DCLK1: variants seen among roughly 807,000 people sequenced by gnomAD.
The protein encoded by DCLK1 is serine/threonine-protein kinase DCLK1.
In DCLK1, 16 loss-of-function variants were observed where a neutral mutation model predicts 86.2. The observed-to-expected ratio is 0.19, with a 90% CI of 0.13 to 0.28. The LOEUF (loss-of-function observed/expected upper bound fraction) is 0.28, where lower values mean the gene tolerates loss of function less well. DCLK1 is among the 10% of genes least tolerant of loss of function. The pLI, the probability that DCLK1 is intolerant of heterozygous loss-of-function variation, is 1.00. For synonymous variants in DCLK1, 369 were observed against 370.5 expected (o/e 1.00, Z 0.05); for missense variants, 590 against 940.2 (o/e 0.63, Z 4.87).
chr13:35,786,246 T>G (rs923874656), intron 16 of DCLK1, among the ~76,000 whole-genome samples: 2 of 152,236 alleles, frequency 1.3e-5, no homozygotes, highest in Admixed American at 1.3e-4. Flanking sequence ...AATTTAATTT[T>G]CCAGAGGTTT....
At chr13:35,975,545 C>T (rs1879289714) in intron 3 of DCLK1, among the ~76,000 whole-genome samples, 1 of 151,840 alleles carries the variant, frequency 6.6e-6, no homozygotes, top group South Asian at 2.1e-4. Flanking sequence ...TGGAGGCCAC[C>T]CCACCCCCAC....
chr13:35,844,610 T>C (rs1044415298), intron 6 of DCLK1, among the ~76,000 whole-genome samples: 1 of 152,208 alleles, frequency 6.6e-6, no homozygotes, highest in South Asian at 2.1e-4. Context: ...TTCCTCTGGA[T>C]AGAATAATTC....
chr13:36,059,658 T>C (rs1196695687), intron 3 of DCLK1, among the ~76,000 whole-genome samples: 1 of 152,208 alleles, frequency 6.6e-6, no homozygotes, highest in African/African-American at 2.4e-5. Flanking sequence ...GGGGTCTGAC[T>C]GGTTTTCCAG....
intron 16 of DCLK1, among the ~76,000 whole-genome samples, chr13:35,791,377 C>T (rs759923762): frequency 7.3e-5 from 11 of 151,600 alleles, no homozygotes; most frequent in Non-Finnish European, 1.0e-4. Flanking sequence ...AGTATATTAC[C>T]AGTTTGTGCA....
At chr13:35,987,422 C>T (rs1398451852) in intron 3 of DCLK1, among the ~76,000 whole-genome samples, 3 of 152,118 alleles carry the variant, frequency 2.0e-5, no homozygotes, top group African/African-American at 7.2e-5. Context: ...TAATTTTCTA[C>T]TGAGAGCAGT....
chr13:35,967,136 A>C (rs1489128923), intron 3 of DCLK1, among the ~76,000 whole-genome samples: 3 of 140,970 alleles, frequency 2.1e-5, no homozygotes, highest in African/African-American at 8.2e-5. Flanking sequence ...AGATGTGAAG[A>C]GCGCCTCTGC....
chr13:35,960,189 T>A (rs1051032896), intron 3 of DCLK1, among the ~76,000 whole-genome samples: 3 of 152,186 alleles, frequency 2.0e-5, no homozygotes, highest in Non-Finnish European at 4.4e-5. Context: ...TTCTCCCCCC[T>A]TAATCCATCC....
chr13:36,101,036 A>T (rs936846180), intron 3 of DCLK1, among the ~76,000 whole-genome samples: 7 of 152,034 alleles, frequency 4.6e-5, no homozygotes, highest in African/African-American at 1.7e-4. Context: ...ATGCGTAGGG[A>T]CTCCATCTGA....
chr13:36,007,627 T>C (rs1433684356), intron 3 of DCLK1, among the ~76,000 whole-genome samples: 2 of 152,226 alleles, frequency 1.3e-5, no homozygotes, highest in Non-Finnish European at 2.9e-5. Context: ...TGTAAGAATA[T>C]TGAATATATT....
At chr13:36,012,271 T>G (rs551152603) in intron 3 of DCLK1, among the ~76,000 whole-genome samples, 1 of 148,074 alleles carries the variant, frequency 6.8e-6, no homozygotes, top group South Asian at 2.3e-4. Context: ...CCTGTCATTA[T>G]GATGTTAGCT....
chr13:35,976,525 GTTTTTTTTTT>G (rs11294824), intron 3 of DCLK1, among the ~76,000 whole-genome samples: 1 of 56,348 alleles, frequency 1.8e-5, no homozygotes, highest in Non-Finnish European at 3.3e-5. Context: ...CTTCTCCGAG[GTTTTTTTTTT>G]TTTTTTTTTT....
At chr13:36,083,061 T>C (rs532499878) in intron 3 of DCLK1, among the ~76,000 whole-genome samples, 1 of 147,814 alleles carries the variant, frequency 6.8e-6, no homozygotes, top group Admixed American at 6.7e-5. Flanking sequence ...ACCTGTTCAG[T>C]ATTAAGCAAT....
chr13:36,107,335 ATTTTTTTTT>A (rs10670428), intron 3 of DCLK1, among the ~76,000 whole-genome samples: 6 of 110,304 alleles, frequency 5.4e-5, no homozygotes, highest in Admixed American at 4.8e-4. Flanking sequence ...GCAGTGGTAG[ATTTTTTTTT>A]TTTTTTTTTT....
chr13:35,918,362 C>T (rs1243114268), intron 4 of DCLK1, among the ~76,000 whole-genome samples: 3 of 152,078 alleles, frequency 2.0e-5, no homozygotes, highest in Admixed American at 6.5e-5. Flanking sequence ...GATTCAAACC[C>T]GAAACGTGGA....
intron 15 of DCLK1, among the ~76,000 whole-genome samples, chr13:35,801,454 A>G (rs56250404): frequency 0.12 from 16,614 of 134,124 alleles, 1,051 homozygotes; most frequent in East Asian, 0.2. Context: ...CTTTTATTAA[A>G]ACCATTTTTT....
At chr13:35,969,797 C>T (rs1878979309) in intron 3 of DCLK1, among the ~76,000 whole-genome samples, 1 of 152,116 alleles carries the variant, frequency 6.6e-6, no homozygotes, top group South Asian at 2.1e-4. Context: ...TGAATCCTAA[C>T]CCCCGATGTA....
At chr13:35,895,633 A>G (rs1203708491) in intron 4 of DCLK1, among the ~76,000 whole-genome samples, 1 of 152,136 alleles carries the variant, frequency 6.6e-6, no homozygotes, top group Non-Finnish European at 1.5e-5. Context: ...ATCTCTATAA[A>G]TTATTTTATG....
chr13:36,078,427 CT>C (rs1884292673), intron 3 of DCLK1, among the ~76,000 whole-genome samples: 1 of 152,208 alleles, frequency 6.6e-6, no homozygotes, highest in Non-Finnish European at 1.5e-5. Context: ...ACTGAAGCCC[CT>C]CCAAGCCCTT....
chr13:35,809,548 G>T (rs2087098763), intron 12 of DCLK1, among the ~76,000 whole-genome samples: 1 of 152,140 alleles, frequency 6.6e-6, no homozygotes, highest in Non-Finnish European at 1.5e-5. Flanking sequence ...GACAAGTATT[G>T]CTTATTGTAC....
Sources: gnomAD v4.1 joint callset for allele counts (sites outside exome capture counted in the v4.1 genomes callset) on GRCh38, gnomAD v4.1.1 for gene constraint, MANE v1.5 for transcripts, NCBI Gene and HGNC (gene_info 2026-07-23, HGNC 2026-07-21) for gene names.